The following TENM4 variants were observed in gnomAD, a reference collection of about 807,000 sequenced individuals.
TENM4 encodes the protein teneurin transmembrane protein 4.
Under a neutral mutation model 243.3 loss-of-function variants are expected in TENM4, and 82 were observed. The observed-to-expected ratio is 0.34, with a 90% CI of 0.28 to 0.40. The LOEUF is 0.40. Among genes scored for constraint, TENM4 ranks in the 10% least tolerant of loss-of-function variants. The probability of loss-of-function intolerance (pLI) is 1.00; values close to 1 mark genes in which losing one functional copy is unlikely to be tolerated. For synonymous variants in TENM4, 1,412 were observed against 1,456.3 expected (o/e 0.97, Z 0.69); for missense variants, 3,138 against 3,673.3 (o/e 0.85, Z 3.77).
Position 78,672,190 on chromosome 11 carries a change from C to G in TENM4, c.5636G>C (p.Arg1879Thr). Residue 1879 changes from arginine (R) to threonine (T), a missense_variant, in exon 31 of 34, where the codon AGG becomes ACG. Physicochemically the swap from Arg to Thr is moderately conservative, Grantham distance 71. Coordinates refer to ENST00000278550, the MANE Select transcript of TENM4 (RefSeq NM_001098816.3). ...GTATGTCACGTTGACACCATTCAGC[C>G]TGCTGCTGGGTGACCAGAGGCTGGG... is the stretch of plus-strand genomic sequence containing the variant. ...GRPSLWSPSS[R>T]LNGVNVTYSP... 1 of 1,614,028 alleles carries G rather than the reference C, an allele frequency of 6.2e-7. No individual in the cohort carries two copies. Among genetic ancestry groups the G allele is most frequent in the African/African-American group, 1.3e-5 (1 of 75,054 alleles).
chr11:78,764,399 G>A (rs1856497898), intron 18 of TENM4, among the ~76,000 whole-genome samples: 1 of 152,210 alleles, frequency 6.6e-6, no homozygotes, highest in African/African-American at 2.4e-5. Context: ...TGGATTTTCT[G>A]GCTTCCAAGC....
At chr11:78,852,498 T>C (rs1196975560) in intron 12 of TENM4, among the ~76,000 whole-genome samples, 1 of 151,828 alleles carries the variant, frequency 6.6e-6, no homozygotes, top group Non-Finnish European at 1.5e-5. Context: ...GCCTAGGCAA[T>C]GTGGTGAAAC....
rs1855597009 is a variant in TENM4, at chr11:78,729,361, A to T, written c.3406+15T>A. The T allele has an allele frequency of 6.4e-7, 1 of 1,561,006 alleles. No individual in the cohort carries two copies. The highest frequency in any genetic ancestry group is 8.7e-7 in the Non-Finnish European group (1 of 1,150,934). On this transcript the variant is annotated intron_variant, in intron 22 of 33. Transcript: ENST00000278550. ...GCAAGAGCTATTCTCTGAGTCCTGC[A>T]GCCGGGAGGCTTACCAAAGGCTTCT...
chr11:78,785,703 T>C (rs1052949792), intron 16 of TENM4, among the ~76,000 whole-genome samples: 1 of 152,140 alleles, frequency 6.6e-6, no homozygotes, highest in Non-Finnish European at 1.5e-5. Context: ...ATGTAAGGTA[T>C]TCCATGGCCA....
chr11:78,960,015 C>A (rs1159795089), intron 6 of TENM4, among the ~76,000 whole-genome samples: 1 of 152,024 alleles, frequency 6.6e-6, no homozygotes. Context: ...TTGTGACACT[C>A]CTAAAATCAG....
intron 1 of TENM4, among the ~76,000 whole-genome samples, chr11:79,394,348 C>T (rs2135545985): frequency 6.6e-6 from 1 of 152,318 alleles, no homozygotes; most frequent in African/African-American, 2.4e-5. Context: ...GTCAGAAGCA[C>T]AAGGGGAGAG....
intron 3 of TENM4, among the ~76,000 whole-genome samples, chr11:79,196,192 G>A (rs1029240643): frequency 2.6e-5 from 4 of 151,952 alleles, no homozygotes; most frequent in African/African-American, 9.7e-5. Context: ...TGTCTTTATC[G>A]GCAGCGTGAA....
intron 1 of TENM4, among the ~76,000 whole-genome samples, chr11:79,340,018 A>G (rs1224901360): frequency 6.6e-6 from 1 of 152,196 alleles, no homozygotes; most frequent in Non-Finnish European, 1.5e-5. Context: ...GGGTGGTGAA[A>G]AAAATATTAA....
At chr11:79,149,044 G>T (rs989018196) in intron 3 of TENM4, among the ~76,000 whole-genome samples, 2 of 152,148 alleles carry the variant, frequency 1.3e-5, no homozygotes, top group Non-Finnish European at 2.9e-5. Context: ...TCATTAAGTA[G>T]TTGATGGACA....
At chr11:79,247,396 A>G (rs1057292483) in intron 2 of TENM4, among the ~76,000 whole-genome samples, 2 of 134,586 alleles carry the variant, frequency 1.5e-5, no homozygotes, top group African/African-American at 2.9e-5. Flanking sequence ...CAGCCTGCCC[A>G]AAAGAGTGAG....
intron 6 of TENM4, among the ~76,000 whole-genome samples, chr11:78,930,410 G>C (rs1285262399): frequency 6.6e-6 from 1 of 152,166 alleles, no homozygotes; most frequent in African/African-American, 2.4e-5. Context: ...GTAGTAAAAA[G>C]GGAAAGGAAC....
chr11:78,693,768 C>G (rs896035034), intron 28 of TENM4, among the ~76,000 whole-genome samples: 4 of 152,224 alleles, frequency 2.6e-5, no homozygotes, highest in African/African-American at 9.6e-5. Flanking sequence ...AATCCCAGCA[C>G]TTTGGGAGGC....
At chr11:79,275,223 C>A (rs1030091870) in intron 2 of TENM4, among the ~76,000 whole-genome samples, 3 of 141,214 alleles carry the variant, frequency 2.1e-5, no homozygotes, top group African/African-American at 6.0e-5. Context: ...TATGTGTGAG[C>A]GGGGTGTGTG....
At chr11:79,433,298 A>G (rs1859205810) in intron 1 of TENM4, among the ~76,000 whole-genome samples, 1 of 152,206 alleles carries the variant, frequency 6.6e-6, no homozygotes, top group Non-Finnish European at 1.5e-5. Context: ...CAAATGAAGT[A>G]GAATCTGCAT....
chr11:79,117,562 A>G (rs1467258581), intron 4 of TENM4, among the ~76,000 whole-genome samples: 1 of 152,178 alleles, frequency 6.6e-6, no homozygotes, highest in African/African-American at 2.4e-5. Context: ...CACTTCCCCT[A>G]AGGATTCTGG....
intron 1 of TENM4, among the ~76,000 whole-genome samples, chr11:79,351,634 A>C (rs1209299486): frequency 2.6e-5 from 4 of 152,170 alleles, no homozygotes; most frequent in Non-Finnish European, 5.9e-5. Flanking sequence ...TGAACCCAGG[A>C]GGCGAAGGTT....
chr11:79,336,833 G>A (rs1220027950), intron 1 of TENM4, among the ~76,000 whole-genome samples: 2 of 152,210 alleles, frequency 1.3e-5, no homozygotes, highest in African/African-American at 4.8e-5. Context: ...AGTGGCCCAG[G>A]AGGCCCCCAG....
chr11:79,118,722 T>G (rs1231086629), intron 4 of TENM4, among the ~76,000 whole-genome samples: 1 of 152,232 alleles, frequency 6.6e-6, no homozygotes, highest in Non-Finnish European at 1.5e-5. Context: ...TTGTAGCATG[T>G]GTCAGAATTC....
chr11:79,145,796 G>C (rs1179968693), intron 4 of TENM4, among the ~76,000 whole-genome samples: 2 of 152,070 alleles, frequency 1.3e-5, no homozygotes, highest in African/African-American at 2.4e-5. Context: ...ACTAGATAGA[G>C]TCTATATTTT....
Sources: allele counts gnomAD v4.1 joint callset (sites outside exome capture counted in the v4.1 genomes callset), GRCh38; gene constraint gnomAD v4.1.1; transcripts MANE v1.5; gene names NCBI Gene and HGNC (gene_info 2026-07-23, HGNC 2026-07-21).